The following CDC45 variants were observed in gnomAD, a reference collection of about 807,000 sequenced individuals.
CDC45 encodes cell division cycle 45.
Under a neutral mutation model 77.8 loss-of-function variants are expected in CDC45, and 54 were observed. That is an observed-to-expected ratio of 0.69 (90% CI 0.56 to 0.87). CDC45 has a LOEUF of 0.87. Among genes scored for constraint, CDC45 ranks in the 40% least tolerant of loss-of-function variants. CDC45 has a pLI of 0.00. For missense variants in CDC45, 649 were observed against 721.6 expected, an observed-to-expected ratio of 0.90 and a Z score of 1.15; for synonymous variants, 260 against 272.1, an observed-to-expected ratio of 0.96 and a Z score of 0.44.
intron 13 of CDC45, among the ~76,000 whole-genome samples, chr22:19,513,131 C>T (rs184800243): frequency 3.9e-4 from 59 of 152,296 alleles, no homozygotes; most frequent in Non-Finnish European, 1.5e-5. Context: ...CACTAGACCC[C>T]ACCTCGAAGA....
chr22:19,482,827 G>A lies in CDC45; in HGVS notation c.342G>A (p.Gln114=), dbSNP rs1294222217. 6.2e-7 allele frequency: 1 copy of A among 1,613,720 alleles called. No individual in the cohort carries two copies. The highest frequency in any genetic ancestry group is 8.5e-7 in the Non-Finnish European group (1 of 1,179,824). The change falls in exon 4 of 19, where the codon CAG becomes CAA. Residue 114 remains glutamine, a splice_region_variant and synonymous_variant. Coordinates refer to ENST00000263201, the MANE Select transcript of CDC45 (RefSeq NM_003504.5). ...VNVVNVYNDT[Q]IKLLIKQDDD... ...TCGTCAATGTATACAACGATACCCAGGTACTTTTTGTGCTATGCCCTCAAA... is the reference window on the plus strand; with the variant it reads ...TCGTCAATGTATACAACGATACCCAAGTACTTTTTGTGCTATGCCCTCAAA...
chr22:19,508,716 C>T lies in CDC45; in HGVS notation c.1217+25C>T, dbSNP rs575053494. On this transcript the variant is annotated intron_variant, in intron 13 of 18. Transcript: ENST00000263201. ...GGTAGCAGGAGGGCTGTGGGTTTGCCTCATGGGGCCACCACTGGTTCTCAC... is the reference window on the plus strand; with the variant it reads ...GGTAGCAGGAGGGCTGTGGGTTTGCTTCATGGGGCCACCACTGGTTCTCAC... The T allele has an allele frequency of 8.0e-5, 129 of 1,609,740 alleles. 3 individuals are homozygous for T. The South Asian group carries it at 1.3e-3, about 16-fold the overall frequency.
intron 5 of CDC45, among the ~76,000 whole-genome samples, chr22:19,486,046 G>A (rs962639824): frequency 1.3e-5 from 2 of 152,072 alleles, no homozygotes; most frequent in Admixed American, 6.6e-5. Context: ...TCTTGAGATG[G>A]AGTCTCACTC....
intron 6 of CDC45, chr22:19,494,660 C>A: frequency 9.1e-7 from 1 of 1,098,062 alleles, no homozygotes; most frequent in Non-Finnish European, 1.3e-6. Flanking sequence ...CAAGTTTTTC[C>A]AATGTAGATA....
At position 19,508,654 on chromosome 22, in the gene CDC45, A is replaced by T; in HGVS notation, c.1180A>T (p.Thr394Ser). 6.2e-7 allele frequency: 1 copy of T among 1,614,136 alleles called. No individual in the cohort carries two copies. Among genetic ancestry groups the T allele is most frequent in the Non-Finnish European group, 8.5e-7 (1 of 1,180,014 alleles). The change falls in exon 13 of 19, where the codon ACA (threonine) becomes TCA (serine). Residue 394 changes from threonine (T) to serine (S), a missense_variant. Transcript: ENST00000263201. ...MESPEKDGSG[T>S]DHFIQALDSL... Reference sequence around the variant, plus strand: ...GAGCCCCGAGAAGGATGGCTCAGGGACAGATCACTTCATCCAGGCTCTGGA... The same window carrying T: ...GAGCCCCGAGAAGGATGGCTCAGGGTCAGATCACTTCATCCAGGCTCTGGA...
chr22:19,499,065 G>A (rs1448141058), intron 8 of CDC45, 36 bp from the exon 9 acceptor site: 1 of 1,610,480 alleles, frequency 6.2e-7, no homozygotes, highest in Non-Finnish European at 8.5e-7. Context: ...GCCCAGGTGG[G>A]CTATAGGCCG....
At chr22:19,491,500 C>G (rs1436502941) in intron 5 of CDC45, among the ~76,000 whole-genome samples, 2 of 150,830 alleles carry the variant, frequency 1.3e-5, no homozygotes, top group African/African-American at 4.9e-5. Flanking sequence ...TACTTATTTT[C>G]TTTCAGCATT....
chr22:19,487,679 C>T (rs1474672580), intron 5 of CDC45, among the ~76,000 whole-genome samples: 1 of 151,818 alleles, frequency 6.6e-6, no homozygotes, highest in Non-Finnish European at 1.5e-5. Context: ...TTTGGGAGGC[C>T]GAGGTGGGTG....
intron 3 of CDC45, 51 bp downstream of exon 3, chr22:19,481,096 T>G (rs979984141): frequency 1.8e-6 from 2 of 1,132,394 alleles, no homozygotes; most frequent in Non-Finnish European, 2.7e-6. Context: ...AATTGTAATT[T>G]CTTGACACAG....
chr22:19,479,945 GC>G lies in CDC45; in HGVS notation c.-22del, dbSNP rs760466371. On this transcript the variant is annotated 5_prime_UTR_variant, in exon 1 of 19. Coordinates refer to ENST00000263201, the MANE Select transcript of CDC45 (RefSeq NM_003504.5). ...GGGCTCTTGGTACCTCAGCGCGAGC[GC>G]CAGGCGTCCGGCCGCCGTGGCTATG... The G allele has an allele frequency of 1.9e-6, 3 of 1,612,366 alleles. No individual in the cohort carries two copies. The highest frequency in any genetic ancestry group is 2.5e-6 in the Non-Finnish European group (3 of 1,179,958).
intron 6 of CDC45, chr22:19,494,741 G>A: frequency 1.4e-6 from 1 of 740,588 alleles, no homozygotes. Context: ...CTAGCTTGAA[G>A]TGAGCATGCA....
chr22:19,503,409 C>T (rs997183721), intron 9 of CDC45, among the ~76,000 whole-genome samples: 1 of 152,140 alleles, frequency 6.6e-6, no homozygotes, highest in Admixed American at 6.5e-5. Context: ...CCAGATTTGA[C>T]GTGGCGAGGC....
chr22:19,480,481 T>C (rs1218179528), intron 2 of CDC45, among the ~76,000 whole-genome samples: 2 of 152,144 alleles, frequency 1.3e-5, no homozygotes, highest in East Asian at 1.9e-4. Context: ...TTAATATTAA[T>C]AGGTGAACAC....
At position 19,514,861 on chromosome 22, in the gene CDC45, C is replaced by T; in HGVS notation, c.1330C>T (p.Pro444Ser). 1 of 1,614,230 alleles carries T rather than the reference C, an allele frequency of 6.2e-7. No individual in the cohort carries two copies. The highest frequency in any genetic ancestry group is 8.5e-7 in the Non-Finnish European group (1 of 1,180,032). Reference sequence around the variant, plus strand: ...CACCAACCTCGTCATCTCCCAGGGGCCTTTCCTGTACTGCTCTCTCATGGA... The same window carrying T: ...CACCAACCTCGTCATCTCCCAGGGGTCTTTCCTGTACTGCTCTCTCATGGA... ...LCTNLVISQG[P>S]FLYCSLMEGT... is the part of the protein sequence containing the mutation. Residue 444 changes from proline (P) to serine (S), a missense_variant, in exon 14 of 19, where the codon CCT (proline) becomes TCT (serine). Transcript: ENST00000263201.
chr22:19,480,241 G>A (rs758924609), intron 2 of CDC45, 24 bp downstream of exon 2: 1 of 1,609,748 alleles, frequency 6.2e-7, no homozygotes, highest in Non-Finnish European at 8.5e-7. Flanking sequence ...ACCCTAGGAG[G>A]GCGGGGCCGG....
At chr22:19,494,931 G>A (rs1353655650) in intron 6 of CDC45, among the ~76,000 whole-genome samples, 1 of 152,202 alleles carries the variant, frequency 6.6e-6, no homozygotes, top group Non-Finnish European at 1.5e-5. Context: ...GGTGGCTCAT[G>A]CCTGTATTCC....
chr22:19,495,864 A>C, intron 6 of CDC45, 117 bp from the exon 7 acceptor site: 1 of 770,654 alleles, frequency 1.3e-6, no homozygotes, highest in Non-Finnish European at 2.3e-6. Context: ...GAAAACAAAT[A>C]GTACCATGAT....
chr22:19,481,242 G>A (rs1373583487), intron 3 of CDC45, among the ~76,000 whole-genome samples, 197 bp downstream of exon 3: 1 of 152,158 alleles, frequency 6.6e-6, no homozygotes, highest in Non-Finnish European at 1.5e-5. Context: ...AGCAAAAAAA[G>A]ATAATGAATG....
chr22:19,493,872 TC>T (rs1407465739), intron 5 of CDC45, among the ~76,000 whole-genome samples: 1 of 152,244 alleles, frequency 6.6e-6, no homozygotes, highest in African/African-American at 2.4e-5. Context: ...ACCACATTAT[TC>T]CAGGCCTTTG....
Sources: allele counts gnomAD v4.1 joint callset (sites outside exome capture counted in the v4.1 genomes callset), GRCh38; gene constraint gnomAD v4.1.1; transcripts MANE v1.5; gene names NCBI Gene and HGNC (gene_info 2026-07-23, HGNC 2026-07-21).